TRAPPC12: variants seen among roughly 807,000 people sequenced by gnomAD.
The protein encoded by TRAPPC12 is TPR repeat protein 15.
In TRAPPC12, 61 loss-of-function variants were observed where a neutral mutation model predicts 69.2. That is an observed-to-expected ratio of 0.88 (90% CI 0.72 to 1.09). The LOEUF (loss-of-function observed/expected upper bound fraction) is 1.09, where lower values mean the gene tolerates loss of function less well. TRAPPC12 is among the 50% of genes least tolerant of loss of function. The pLI is 0.00. For missense variants in TRAPPC12, 1,101 were observed against 1,016.4 expected (o/e 1.08, Z -1.13); for synonymous variants, 469 against 438.9 (o/e 1.07, Z -0.86).
At chr2:3,458,663 C>G (rs943103957) in intron 7 of TRAPPC12, among the ~76,000 whole-genome samples, 3 of 152,196 alleles carry the variant, frequency 2.0e-5, no homozygotes, top group Non-Finnish European at 2.9e-5. Flanking sequence ...AGAGACGGCA[C>G]TGTCTGCTCA....
At chr2:3,383,706 T>C (rs1365696428) in intron 1 of TRAPPC12, among the ~76,000 whole-genome samples, 1 of 151,764 alleles carries the variant, frequency 6.6e-6, no homozygotes, top group South Asian at 2.1e-4. Flanking sequence ...CACCCGGCCT[T>C]CACAGTTAAG....
chr2:3,409,653 G>C (rs1053190317), intron 3 of TRAPPC12, among the ~76,000 whole-genome samples: 1 of 151,136 alleles, frequency 6.6e-6, no homozygotes, highest in Non-Finnish European at 1.5e-5. Context: ...GGGAAGCTGA[G>C]GTGGGAGGAT....
chr2:3,443,679 C>T, intron 5 of TRAPPC12, 100 bp from the exon 6 acceptor site: 5 of 842,422 alleles, frequency 5.9e-6, no homozygotes, highest in Non-Finnish European at 1.0e-5. Context: ...TCTGTCATCA[C>T]TTCTGCTGGG....
chr2:3,462,442 C>CAGGGT (rs1665555837), intron 8 of TRAPPC12, among the ~76,000 whole-genome samples: 1 of 149,620 alleles, frequency 6.7e-6, no homozygotes, highest in Non-Finnish European at 1.5e-5. Flanking sequence ...AGTGAGCATA[C>CAGGGT]AGGGTATTGC....
chr2:3,400,113 G>A (rs1186241507), intron 2 of TRAPPC12, among the ~76,000 whole-genome samples: 2 of 152,218 alleles, frequency 1.3e-5, no homozygotes, highest in Admixed American at 1.3e-4. Context: ...GTCAGCAGCT[G>A]CTGCGGGCCA....
At chr2:3,397,632 T>C (rs1661208586) in intron 2 of TRAPPC12, among the ~76,000 whole-genome samples, 1 of 152,268 alleles carries the variant, frequency 6.6e-6, no homozygotes, top group Non-Finnish European at 1.5e-5. Flanking sequence ...TTTGTAAGTA[T>C]GTTCCAAAAC....
intron 5 of TRAPPC12, among the ~76,000 whole-genome samples, chr2:3,433,410 G>T (rs1358356959): frequency 6.6e-6 from 1 of 152,232 alleles, no homozygotes; most frequent in Non-Finnish European, 1.5e-5. Context: ...TGTGAGGCAG[G>T]TGGCACAGGC....
At chr2:3,479,086 CA>C in intron 11 of TRAPPC12, 132 bp from the exon 12 acceptor site, 1 of 1,513,354 alleles carries the variant, frequency 6.6e-7, no homozygotes, top group South Asian at 1.3e-5. Context: ...AGTGACCCAA[CA>C]GGGCCACCTA....
In TRAPPC12 at chr2:3,397,268, A is replaced by C. The variant is rs545250512; in HGVS notation, c.1048-4509A>C. 6.5e-4 allele frequency among the ~76,000 whole-genome samples: 99 copies of C among 152,366 alleles called. 1 individual carries two copies. The highest frequency in any genetic ancestry group is 2.3e-3 in the African/African-American group (97 of 41,586). ...TTTTTAGACTTTTTAGAATGACTTT[A>C]GAGCAGTAGCTTCTACTTTTGGGTG... On this transcript the variant is annotated intron_variant, in intron 2 of 11. Transcript: ENST00000324266.
In TRAPPC12 at chr2:3,460,312, G is replaced by A. The variant is rs1249649086; in HGVS notation, c.1653G>A (p.Met551Ile). The change falls in exon 8 of 12, where the codon ATG (methionine) becomes ATA (isoleucine). Residue 551 changes from methionine to isoleucine, a missense_variant. Physicochemically the swap from Met to Ile is conservative, Grantham distance 10 (BLOSUM62 1). Coordinates refer to ENST00000324266, the MANE Select transcript of TRAPPC12 (RefSeq NM_016030.6). ...GTCTGGGCCGGGTGATGTACTCCATGGCAAACTGTCTGCTCCTGATGAAGG... is the reference window on the plus strand; with the variant it reads ...GTCTGGGCCGGGTGATGTACTCCATAGCAAACTGTCTGCTCCTGATGAAGG... ...RSRLGRVMYS[M>I]ANCLLLMKDY... 1 of 874,198 alleles carries A rather than the reference G, an allele frequency of 1.1e-6. No homozygotes were observed. Among genetic ancestry groups the A allele is most frequent in the Non-Finnish European group, 2.0e-6 (1 of 502,838 alleles). The allele number at this position is 874,198 out of a possible 1,614,324, so 54.2% of individuals were successfully genotyped here.
At position 3,460,542 on chromosome 2, in the gene TRAPPC12, A is replaced by G. The variant is rs1665433688; in HGVS notation, c.1677+206A>G. ...ACTGCAAGAAATTTCAACAGAATGT[A>G]GAATTTAGATGATCAGATTTCATTA... On this transcript the variant is annotated intron_variant, in intron 8 of 11. Coordinates refer to ENST00000324266, the MANE Select transcript of TRAPPC12 (RefSeq NM_016030.6). 6.1e-6 allele frequency: 3 copies of G among 491,314 alleles called. No individual in the cohort carries two copies. In the South Asian group the frequency reaches 1.1e-4, roughly 19 times the overall value. The allele number at this position is 491,314 out of a possible 1,614,324, so 30.4% of individuals were successfully genotyped here. A position where few individuals can be genotyped will look rare whatever the true frequency, so the allele number is the denominator to read the frequency against.
intron 2 of TRAPPC12, among the ~76,000 whole-genome samples, chr2:3,390,346 TATC>T (rs780769946): frequency 3.3e-5 from 5 of 152,216 alleles, no homozygotes; most frequent in Admixed American, 2.6e-4. Flanking sequence ...TTAAAATGCG[TATC>T]AAATGTGCAT....
intron 9 of TRAPPC12, 124 bp downstream of exon 9, chr2:3,465,819 T>A (rs1665782353): frequency 2.8e-6 from 2 of 726,654 alleles, no homozygotes. Context: ...CCAATTCAAA[T>A]GTATGTGACC....
chr2:3,462,987 T>G (rs561158013), intron 8 of TRAPPC12: 2 of 470,066 alleles, frequency 4.3e-6, no homozygotes, highest in African/African-American at 4.0e-5. Context: ...AGAATGGTTG[T>G]AAATCTAGTT....
At chr2:3,463,679 C>G (rs1665639214) in intron 8 of TRAPPC12, among the ~76,000 whole-genome samples, 1 of 151,760 alleles carries the variant, frequency 6.6e-6, no homozygotes, top group South Asian at 2.1e-4. Context: ...GCGCCCCCAC[C>G]ACGCCCCCAC....
Position 3,477,740 on chromosome 2 carries a change from A to G in TRAPPC12, c.1822A>G (p.Lys608Glu), listed in dbSNP as rs764323391. Reference sequence around the variant, plus strand: ...TGAAAAGTATTTTCAAGACGTTGAGAAAGTAACACAGAAATTAGATGGACT... The same window carrying G: ...TGAAAAGTATTTTCAAGACGTTGAGGAAGTAACACAGAAATTAGATGGACT... ...TAEKYFQDVE[K>E]VTQKLDGLQG... The change falls in exon 10 of 12, where the codon AAA (lysine) becomes GAA (glutamate). Residue 608 changes from lysine to glutamate, a missense_variant. Coordinates refer to ENST00000324266, the MANE Select transcript of TRAPPC12 (RefSeq NM_016030.6). 1 of 1,608,604 alleles carries G rather than the reference A, an allele frequency of 6.2e-7. No homozygotes were observed. Among genetic ancestry groups the G allele is most frequent in the Non-Finnish European group, 8.5e-7 (1 of 1,178,044 alleles).
intron 3 of TRAPPC12, among the ~76,000 whole-genome samples, chr2:3,413,339 A>G (rs1662161478): frequency 6.6e-6 from 1 of 152,158 alleles, no homozygotes; most frequent in African/African-American, 2.4e-5. Context: ...GGATTATCTC[A>G]TTATCTTCAT....
chr2:3,422,743 C>T (rs1256997060), intron 4 of TRAPPC12, among the ~76,000 whole-genome samples: 1 of 152,200 alleles, frequency 6.6e-6, no homozygotes, highest in Non-Finnish European at 1.5e-5. Context: ...TGTACTTTCC[C>T]CCATCACCTC....
chr2:3,441,544 GT>G (rs1278344853), intron 5 of TRAPPC12, among the ~76,000 whole-genome samples: 3 of 151,416 alleles, frequency 2.0e-5, no homozygotes. Context: ...CAAAGAATAT[GT>G]TTTTGGTTTG....
Sources: gnomAD v4.1 joint callset for allele counts (sites outside exome capture counted in the v4.1 genomes callset) on GRCh38, gnomAD v4.1.1 for gene constraint, MANE v1.5 for transcripts, NCBI Gene and HGNC (gene_info 2026-07-23, HGNC 2026-07-21) for gene names.